Variants in TASP1 observed in about 807,000 individuals in gnomAD.
TASP1 encodes the protein threonine aspartase 1.
Under a neutral mutation model 56.6 loss-of-function variants are expected in TASP1, and 16 were observed. That is an observed-to-expected ratio of 0.28 (90% confidence interval 0.19 to 0.43). TASP1 has a LOEUF of 0.43. Ranked by LOEUF, TASP1 falls within the 20% of genes least tolerant of loss-of-function variation. The pLI, the probability that TASP1 is intolerant of heterozygous loss-of-function variation, is 1.00. For synonymous variants in TASP1, 179 were observed against 184.2 expected, an observed-to-expected ratio of 0.97 and a Z score of 0.23; for missense variants, 393 against 511.6, an observed-to-expected ratio of 0.77 and a Z score of 2.24.
At chr20:13,119,514 T>G in the TASP1 span, among the ~76,000 whole-genome samples, 1 of 152,200 alleles carries the variant, frequency 6.6e-6, no homozygotes, top group Non-Finnish European at 1.5e-5. Flanking sequence ...TTATTTACAT[T>G]AATCGGGATG....
At chr20:13,578,857 C>T (rs796626894) in intron 6 of TASP1, among the ~76,000 whole-genome samples, 17 of 152,260 alleles carry the variant, frequency 1.1e-4, no homozygotes, top group African/African-American at 4.1e-4. Context: ...TATTATATAA[C>T]AGTATCATGC....
intron 8 of TASP1, among the ~76,000 whole-genome samples, chr20:13,557,138 C>T (rs1433342114): frequency 1.3e-5 from 2 of 151,802 alleles, no homozygotes; most frequent in Non-Finnish European, 2.9e-5. Flanking sequence ...CTGATCTCCA[C>T]AAAAAGAATG....
At chr20:13,369,566 CA>C in the TASP1 span, among the ~76,000 whole-genome samples, 1 of 152,206 alleles carries the variant, frequency 6.6e-6, no homozygotes, top group East Asian at 1.9e-4. Flanking sequence ...ACGTATATAT[CA>C]AACTTGGTTG....
At chr20:13,496,874 C>T (rs2043749456) in intron 10 of TASP1, among the ~76,000 whole-genome samples, 1 of 152,060 alleles carries the variant, frequency 6.6e-6, no homozygotes, top group Admixed American at 6.6e-5. Context: ...TCTCAATAAA[C>T]CTAATTCCAA....
At position 13,605,038 on chromosome 20, in the gene TASP1, T is replaced by C. The variant is rs1009636370; in HGVS notation, c.283-17668A>G. On this transcript the variant is annotated intron_variant, in intron 4 of 13. Transcript: ENST00000337743. The stretch of plus-strand genomic sequence containing the variant: ...TGTATTTCTTATACACCCAACAATA[T>C]GGGTGAATCTCAAAAGCATTACGTG... Among the ~76,000 whole-genome samples the C allele has an allele frequency of 9.3e-5, 14 of 149,986 alleles. No individual in the cohort carries two copies. In the East Asian group the frequency reaches 2.1e-3, roughly 23 times the overall value.
intron 8 of TASP1, among the ~76,000 whole-genome samples, chr20:13,542,637 A>G (rs988400234): frequency 6.6e-6 from 1 of 152,176 alleles, no homozygotes; most frequent in African/African-American, 2.4e-5. Context: ...ACAATATCAA[A>G]CAATATACTC....
chr20:13,501,585 T>C (rs940228695), intron 10 of TASP1, among the ~76,000 whole-genome samples: 1 of 151,756 alleles, frequency 6.6e-6, no homozygotes, highest in Non-Finnish European at 1.5e-5. Flanking sequence ...GATGGCAAAA[T>C]ATTTACGGAG....
At chr20:13,634,108 A>G (rs1432559659) in intron 1 of TASP1, among the ~76,000 whole-genome samples, 1 of 152,230 alleles carries the variant, frequency 6.6e-6, no homozygotes, top group Non-Finnish European at 1.5e-5. Context: ...ATTCATAGCA[A>G]TATTATTCAC....
chr20:13,364,494 T>G, the TASP1 span, among the ~76,000 whole-genome samples: 1 of 152,116 alleles, frequency 6.6e-6, no homozygotes, highest in Non-Finnish European at 1.5e-5. Flanking sequence ...TGATTAGGTC[T>G]TGTCAGTTCT....
chr20:13,252,884 C>T, the TASP1 span, among the ~76,000 whole-genome samples: 1 of 152,208 alleles, frequency 6.6e-6, no homozygotes, highest in South Asian at 2.1e-4. Flanking sequence ...CTCTCATTTA[C>T]TGACAGATAA....
chr20:13,160,107 C>T, the TASP1 span: 3 of 1,613,938 alleles, frequency 1.9e-6, no homozygotes, highest in Non-Finnish European at 1.7e-6. Context: ...GTTTCAGCGG[C>T]ACATACCCGG....
chr20:13,250,025 G>A, the TASP1 span, among the ~76,000 whole-genome samples: 1 of 152,106 alleles, frequency 6.6e-6, no homozygotes, highest in Non-Finnish European at 1.5e-5. Context: ...TCGCTTCCAG[G>A]GGAACTGGAT....
chr20:13,196,583 C>T, the TASP1 span, among the ~76,000 whole-genome samples: 1 of 151,904 alleles, frequency 6.6e-6, no homozygotes, highest in Non-Finnish European at 1.5e-5. Context: ...TTCATATGTG[C>T]CATCTATGTG....
chr20:13,149,779 T>C, the TASP1 span, among the ~76,000 whole-genome samples: 25 of 152,368 alleles, frequency 1.6e-4, no homozygotes, highest in African/African-American at 6.0e-4. Flanking sequence ...CATTAGCTGA[T>C]GATCCAGTTT....
chr20:13,229,041 A>G, the TASP1 span, among the ~76,000 whole-genome samples: 1 of 151,936 alleles, frequency 6.6e-6, no homozygotes, highest in Non-Finnish European at 1.5e-5. Context: ...CCTAAATTCT[A>G]TAGCCTCTTT....
chr20:13,135,739 G>A, the TASP1 span, among the ~76,000 whole-genome samples: 1 of 152,130 alleles, frequency 6.6e-6, no homozygotes, highest in African/African-American at 2.4e-5. Flanking sequence ...TATATGAACA[G>A]GCCAGTACTT....
chr20:13,601,165 G>A (rs560093883), intron 4 of TASP1, among the ~76,000 whole-genome samples: 11 of 152,128 alleles, frequency 7.2e-5, no homozygotes, highest in Non-Finnish European at 1.6e-4. Flanking sequence ...TGTAGTCCCA[G>A]CTATTGAGCG....
At chr20:13,588,703 C>G (rs142316302) in intron 4 of TASP1, among the ~76,000 whole-genome samples, 71 of 152,218 alleles carry the variant, frequency 4.7e-4, no homozygotes, top group African/African-American at 1.5e-3. Flanking sequence ...GTACGTGGAC[C>G]AGAAGGCTTA....
chr20:13,598,813 G>T (rs1032107909), intron 4 of TASP1, among the ~76,000 whole-genome samples: 2 of 151,960 alleles, frequency 1.3e-5, no homozygotes, highest in Non-Finnish European at 2.9e-5. Context: ...TCCAGAATCT[G>T]CAAAGAACTT....
Sources: gnomAD v4.1 joint callset for allele counts (sites outside exome capture counted in the v4.1 genomes callset) on GRCh38, gnomAD v4.1.1 for gene constraint, MANE v1.5 for transcripts, NCBI Gene and HGNC (gene_info 2026-07-23, HGNC 2026-07-21) for gene names.